Variants in SPMIP6 observed in about 807,000 individuals in gnomAD.
The protein encoded by SPMIP6 is ciliated bronchial epithelial protein 1.
chr9:34,382,662 C>A, the SPMIP6 span: 1 of 815,288 alleles, frequency 1.2e-6, no homozygotes, highest in South Asian at 1.3e-5. Context: ...GCAATGAGGA[C>A]CTAATGGTGA....
At chr9:34,381,282 G>A in the SPMIP6 span, 168 of 1,599,698 alleles carry the variant, frequency 1.1e-4, no homozygotes, top group Non-Finnish European at 1.2e-4. This position sits in a 1 kb window ranked among gnomAD's most constrained non-coding sequence, Gnocchi z 4.4. Flanking sequence ...CCTCCTCCCC[G>A]TCCTTCAGGT....
At chr9:34,387,030 ATT>A in the SPMIP6 span, among the ~76,000 whole-genome samples, 31,479 of 139,844 alleles carry the variant, frequency 0.23, 3,356 homozygotes, top group East Asian at 0.4. Context: ...GATCCTTATG[ATT>A]TTTTTTTTTT....
the SPMIP6 span, chr9:34,397,720 A>G: frequency 3.6e-6 from 5 of 1,403,910 alleles, no homozygotes; most frequent in Non-Finnish European, 4.8e-6. Context: ...TAGACAGGCC[A>G]CACCTCCAGC....
chr9:34,381,550 C>A, the SPMIP6 span: 1 of 1,548,776 alleles, frequency 6.5e-7, no homozygotes, highest in Admixed American at 1.9e-5. This position sits in a 1 kb window ranked among gnomAD's most constrained non-coding sequence, Gnocchi z 4.4. Flanking sequence ...CAACTTCTCC[C>A]GCCCTTCAGC....
chr9:34,386,689 A>G, the SPMIP6 span, among the ~76,000 whole-genome samples: 1 of 151,836 alleles, frequency 6.6e-6, no homozygotes, highest in African/African-American at 2.4e-5. Context: ...CTGACCTTCA[A>G]TTTGGCCTGG....
At chr9:34,381,407 A>AAGGGCATTCCAAGGGCTCCGGCCTAGG in the SPMIP6 span, 2 of 1,613,984 alleles carry the variant, frequency 1.2e-6, no homozygotes, top group Admixed American at 1.7e-5. This position sits in a 1 kb window ranked among gnomAD's most constrained non-coding sequence, Gnocchi z 4.4. Flanking sequence ...AGGGCATTCC[A>AAGGGCATTCCAAGGGCTCCGGCCTAGG]AGGGCATTCC....
chr9:34,397,364 T>C, the SPMIP6 span: 83 of 979,350 alleles, frequency 8.5e-5, no homozygotes, highest in Non-Finnish European at 1.2e-4. Flanking sequence ...TACATACCAT[T>C]GTAAATTCTG....
chr9:34,380,906 G>T, the SPMIP6 span: 2 of 1,578,062 alleles, frequency 1.3e-6, no homozygotes, highest in South Asian at 1.1e-5. Flanking sequence ...CCTTACAGTC[G>T]GTTGCTCCCG....
At chr9:34,381,200 A>C in the SPMIP6 span, 1 of 1,556,430 alleles carries the variant, frequency 6.4e-7, no homozygotes, top group South Asian at 1.2e-5. The surrounding 1 kb of genome is among the most constrained non-coding windows in gnomAD (Gnocchi z 4.4). Context: ...AGGCCGAGTC[A>C]CGGACAGAGT....
the SPMIP6 span, among the ~76,000 whole-genome samples, chr9:34,390,719 A>C: frequency 6.6e-6 from 1 of 151,958 alleles, no homozygotes; most frequent in Non-Finnish European, 1.5e-5. Context: ...TTGTGGGCTC[A>C]AGCATTCCTC....
the SPMIP6 span, chr9:34,381,523 G>A: frequency 1.9e-6 from 3 of 1,594,900 alleles, no homozygotes; most frequent in Middle Eastern, 5.0e-4. The surrounding 1 kb of genome is among the most constrained non-coding windows in gnomAD (Gnocchi z 4.4). Context: ...AGAACACCCA[G>A]ACCTATCGCC....
the SPMIP6 span, chr9:34,379,532 C>CCCTCGTGGTA: frequency 4.3e-6 from 4 of 925,332 alleles, no homozygotes; most frequent in Non-Finnish European, 7.1e-6. The surrounding 1 kb of genome is among the most constrained non-coding windows in gnomAD (Gnocchi z 4.2). Context: ...TGGTATGTGC[C>CCCTCGTGGTA]TGTCAGTGCA....
At chr9:34,395,111 T>C in the SPMIP6 span, among the ~76,000 whole-genome samples, 1 of 152,074 alleles carries the variant, frequency 6.6e-6, no homozygotes, top group South Asian at 2.1e-4. Context: ...TATGGGCACA[T>C]GCCACTGCAC....
chr9:34,382,785 T>G, the SPMIP6 span: 4 of 1,614,010 alleles, frequency 2.5e-6, no homozygotes, highest in Non-Finnish European at 3.4e-6. Flanking sequence ...GGTGGTATAC[T>G]TGTTGCAGCA....
At chr9:34,393,476 T>G in the SPMIP6 span, among the ~76,000 whole-genome samples, 2 of 152,192 alleles carry the variant, frequency 1.3e-5, no homozygotes, top group African/African-American at 4.8e-5. Context: ...TTTCCTTGGT[T>G]TTTGAAAGGA....
the SPMIP6 span, chr9:34,385,534 TCA>T: frequency 1.8e-6 from 1 of 568,670 alleles, no homozygotes; most frequent in Non-Finnish European, 2.6e-6. Context: ...AAACTCCGTC[TCA>T]AAAAAAAAAA....
chr9:34,394,037 G>A, the SPMIP6 span, among the ~76,000 whole-genome samples: 2 of 152,118 alleles, frequency 1.3e-5, no homozygotes, highest in East Asian at 1.9e-4. Context: ...GCCTAGGCTA[G>A]TCTTGAACTC....
At chr9:34,382,057 A>G in the SPMIP6 span, among the ~76,000 whole-genome samples, 1 of 152,204 alleles carries the variant, frequency 6.6e-6, no homozygotes, top group South Asian at 2.1e-4. Context: ...AAGGTGGAGC[A>G]GGGAGATTCA....
the SPMIP6 span, among the ~76,000 whole-genome samples, chr9:34,396,008 T>C: frequency 6.6e-6 from 1 of 152,206 alleles, no homozygotes; most frequent in Non-Finnish European, 1.5e-5. Flanking sequence ...CCTAACAATT[T>C]CATGTCTAGT....
Sources: allele counts gnomAD v4.1 joint callset (sites outside exome capture counted in the v4.1 genomes callset), GRCh38; gene constraint gnomAD v4.1.1; non-coding constraint Gnocchi (gnomAD v3.1); transcripts MANE v1.5; gene names NCBI Gene and HGNC (gene_info 2026-07-23, HGNC 2026-07-21).